ZFHX3: variants seen among roughly 807,000 people sequenced by gnomAD.
ZFHX3 encodes the protein zinc finger homeobox protein 3.
Under a neutral mutation model 279.1 loss-of-function variants are expected in ZFHX3, and 42 were observed. The ratio of observed to expected loss-of-function variants is 0.15; its 90% CI spans 0.12 to 0.19. The LOEUF (loss-of-function observed/expected upper bound fraction) is 0.19, where lower values mean the gene tolerates loss of function less well. Among genes scored for constraint, ZFHX3 ranks in the 10% least tolerant of loss-of-function variants. The probability of loss-of-function intolerance (pLI) is 1.00; values close to 1 mark genes in which losing one functional copy is unlikely to be tolerated. For synonymous variants in ZFHX3, 2,293 were observed against 1,957.8 expected, an observed-to-expected ratio of 1.17 and a Z score of -4.52; for missense variants, 4,981 against 4,754.0, an observed-to-expected ratio of 1.05 and a Z score of -1.40.
intron 2 of ZFHX3, among the ~76,000 whole-genome samples, chr16:73,550,665 TTC>T (rs1312210354): frequency 1.3e-5 from 2 of 152,248 alleles, no homozygotes; most frequent in African/African-American, 4.8e-5. Flanking sequence ...GCTTTGATTT[TTC>T]TCTTTCTTCT....
intron 4 of ZFHX3, among the ~76,000 whole-genome samples, chr16:73,272,304 C>A (rs887282280): frequency 7.2e-5 from 11 of 152,068 alleles, no homozygotes; most frequent in African/African-American, 2.4e-4. Flanking sequence ...ATATTTTTCT[C>A]TCCCAGTTTT....
At chr16:73,259,342 A>G (rs1275836189) in intron 4 of ZFHX3, among the ~76,000 whole-genome samples, 1 of 152,230 alleles carries the variant, frequency 6.6e-6, no homozygotes, top group Non-Finnish European at 1.5e-5. Flanking sequence ...ATCCTTGCCA[A>G]CGTTCGGTAT....
chr16:73,628,289 C>T (rs1370453950), intron 2 of ZFHX3, among the ~76,000 whole-genome samples: 1 of 152,122 alleles, frequency 6.6e-6, no homozygotes. Flanking sequence ...AAATTCTTCC[C>T]TTAAGCAGAC....
intron 2 of ZFHX3, among the ~76,000 whole-genome samples, chr16:73,471,447 C>T (rs560813651): frequency 9.9e-5 from 15 of 151,422 alleles, no homozygotes; most frequent in East Asian, 5.8e-4. Context: ...TCACTCTTGT[C>T]GCCCAGGCTG....
At chr16:73,472,127 T>G (rs4887806) in intron 2 of ZFHX3, among the ~76,000 whole-genome samples, 13,170 of 151,972 alleles carry the variant, frequency 0.087, 777 homozygotes, top group Admixed American at 0.21. Flanking sequence ...ACCAAAAGGG[T>G]CTTAAACCAA....
chr16:73,291,099 C>G (rs150717159), intron 4 of ZFHX3, among the ~76,000 whole-genome samples: 1 of 152,328 alleles, frequency 6.6e-6, no homozygotes, highest in Non-Finnish European at 1.5e-5. Flanking sequence ...AACCCCACAG[C>G]ACAGAAGTGC....
chr16:72,973,113 A>G (rs1427772415), intron 1 of ZFHX3, among the ~76,000 whole-genome samples: 2 of 152,316 alleles, frequency 1.3e-5, no homozygotes, highest in Admixed American at 6.5e-5. Flanking sequence ...TCATACTTTC[A>G]GAAGACCAGA....
At chr16:72,974,976 A>T (rs1160232475) in intron 1 of ZFHX3, among the ~76,000 whole-genome samples, 1 of 152,156 alleles carries the variant, frequency 6.6e-6, no homozygotes, top group African/African-American at 2.4e-5. Context: ...AGTAGTCCTC[A>T]AATCCTAGAG....
intron 1 of ZFHX3, among the ~76,000 whole-genome samples, chr16:73,865,529 T>C (rs1961991933): frequency 6.6e-6 from 1 of 152,186 alleles, no homozygotes; most frequent in South Asian, 2.1e-4. Context: ...TTCTAGATAG[T>C]TTCTTGGCTT....
intron 1 of ZFHX3, among the ~76,000 whole-genome samples, chr16:72,980,157 G>A (rs1050087858): frequency 6.6e-6 from 1 of 152,084 alleles, no homozygotes; most frequent in African/African-American, 2.4e-5. Flanking sequence ...TCAGAGAGCC[G>A]GTCAGTGGCA....
At chr16:72,818,652 C>T (rs2036688194) in intron 5 of ZFHX3, among the ~76,000 whole-genome samples, 1 of 152,162 alleles carries the variant, frequency 6.6e-6, no homozygotes, top group South Asian at 2.1e-4. Context: ...CAGCAGGGGG[C>T]GGTCTTCAGG....
chr16:73,799,144 T>C (rs1487915580), intron 1 of ZFHX3, among the ~76,000 whole-genome samples: 4 of 152,126 alleles, frequency 2.6e-5, no homozygotes, highest in African/African-American at 4.8e-5. Flanking sequence ...AATGAGGTGA[T>C]AGAGGTGAGA....
At chr16:73,439,084 TA>T (rs2018043024) in intron 3 of ZFHX3, among the ~76,000 whole-genome samples, 1 of 152,198 alleles carries the variant, frequency 6.6e-6, no homozygotes, top group African/African-American at 2.4e-5. Context: ...CCTTCCTCCC[TA>T]AACCAAAGCA....
At chr16:73,531,248 T>C (rs184148313) in intron 2 of ZFHX3, among the ~76,000 whole-genome samples, 3 of 152,340 alleles carry the variant, frequency 2.0e-5, no homozygotes, top group African/African-American at 4.8e-5. Context: ...CAGTGCTCAG[T>C]ATGTCCAGAT....
chr16:73,160,771 T>A (rs916734704), intron 5 of ZFHX3, among the ~76,000 whole-genome samples: 2 of 148,694 alleles, frequency 1.3e-5, no homozygotes, highest in Non-Finnish European at 3.0e-5. Flanking sequence ...TCTTTTCTCT[T>A]CTTTTTTTTT....
At chr16:73,641,349 G>C (rs1257390503) in intron 2 of ZFHX3, among the ~76,000 whole-genome samples, 1 of 152,146 alleles carries the variant, frequency 6.6e-6, no homozygotes, top group East Asian at 1.9e-4. Context: ...AGAGGAAGTG[G>C]TCTTGGAGCA....
chr16:73,389,666 G>C (rs548282376), intron 3 of ZFHX3, among the ~76,000 whole-genome samples: 3 of 152,330 alleles, frequency 2.0e-5, no homozygotes, highest in Admixed American at 1.3e-4. Flanking sequence ...CTATTGGAAA[G>C]TTCTTTTTTA....
chr16:72,787,809 G>C lies in ZFHX3; in HGVS notation c.10467C>G (p.Phe3489Leu). 1.2e-6 allele frequency: 2 copies of C among 1,613,606 alleles called. No homozygotes were observed. Among genetic ancestry groups the C allele is most frequent in the Non-Finnish European group, 1.7e-6 (2 of 1,179,850 alleles). The change falls in exon 10 of 10, where the codon TTC (phenylalanine) becomes TTG (leucine). Residue 3489 changes from phenylalanine (F) to leucine (L), a missense_variant. This residue lies in a region of ZFHX3 where 1,034 missense variants were observed against 786.0 expected (regional missense o/e 1.32). Transcript: ENST00000268489. ...AARSHLKSLC[F>L]FGQSVVNLQE... is the part of the protein sequence containing the mutation. ...GCAGGTTCACCACAGACTGGCCGAA[G>C]AAGCAGAGGGACTTCAGGTGGCTCC...
intron 3 of ZFHX3, among the ~76,000 whole-genome samples, chr16:73,357,963 C>T (rs756328416): frequency 2.0e-4 from 31 of 152,218 alleles, no homozygotes; most frequent in Admixed American, 4.6e-4. Flanking sequence ...TGGATCTCTC[C>T]CTGTGAGCCT....
Sources: gnomAD v4.1 joint callset for allele counts (sites outside exome capture counted in the v4.1 genomes callset) on GRCh38, gnomAD v4.1.1 for gene constraint, gnomAD v4.1.1 regional missense constraint, MANE v1.5 for transcripts, NCBI Gene and HGNC (gene_info 2026-07-23, HGNC 2026-07-21) for gene names.